The following CACNA1C variants were observed in gnomAD, a reference collection of about 807,000 sequenced individuals.
The protein encoded by CACNA1C is voltage-dependent L-type calcium channel subunit alpha-1C.
A neutral mutation model predicts 229.0 loss-of-function variants in CACNA1C; 30 were observed. That is an observed-to-expected ratio of 0.13 (90% confidence interval 0.10 to 0.18). The LOEUF (loss-of-function observed/expected upper bound fraction) is 0.18, where lower values mean the gene tolerates loss of function less well. Among genes scored for constraint, CACNA1C ranks in the 10% least tolerant of loss-of-function variants. The pLI, the probability that CACNA1C is intolerant of heterozygous loss-of-function variation, is 1.00. For synonymous variants in CACNA1C, 1,114 were observed against 1,132.5 expected (o/e 0.98, Z 0.33); for missense variants, 1,658 against 2,845.0 (o/e 0.58, Z 9.49).
At chr12:2,612,324 C>T (rs1259083874) in intron 29 of CACNA1C, 2 of 289,924 alleles carry the variant, frequency 6.9e-6, no homozygotes, top group East Asian at 7.4e-5. Flanking sequence ...TATGTCCCAT[C>T]CTCTAGTACA....
At chr12:2,610,193 G>A (rs2077028340) in intron 27 of CACNA1C, among the ~76,000 whole-genome samples, 1 of 152,182 alleles carries the variant, frequency 6.6e-6, no homozygotes, top group African/African-American at 2.4e-5. Context: ...ACAGCTGTCA[G>A]TCGGTCAGGA....
At position 2,467,329 on chromosome 12, in the gene CACNA1C, G is replaced by A. The variant is rs1023294498; in HGVS notation, c.757+9623G>A. ...GCAGAGAGGAGCCCTGAGGCCAGAG[G>A]GCCACATGGCTTCCTTAAGGTCACA... On this transcript the variant is annotated intron_variant, in intron 5 of 46. Coordinates refer to ENST00000399655, the MANE Select transcript of CACNA1C (RefSeq NM_000719.7). This position sits in a 1 kb window ranked among gnomAD's most constrained non-coding sequence, Gnocchi z 4.6. Among the ~76,000 whole-genome samples, 4 of 152,188 alleles carry A rather than the reference G, an allele frequency of 2.6e-5. No homozygotes were observed. Among genetic ancestry groups the A allele is most frequent in the African/African-American group, 4.8e-5 (2 of 41,448 alleles).
At chr12:2,194,974 T>C (rs1300380855) in intron 3 of CACNA1C, among the ~76,000 whole-genome samples, 1 of 152,240 alleles carries the variant, frequency 6.6e-6, no homozygotes, top group Non-Finnish European at 1.5e-5. Flanking sequence ...TCTTTTTGGC[T>C]ATGATGGGAT....
chr12:2,196,609 T>C (rs559321666), intron 3 of CACNA1C, among the ~76,000 whole-genome samples: 270 of 152,362 alleles, frequency 1.8e-3, no homozygotes, highest in African/African-American at 6.3e-3. Flanking sequence ...GAAAGTAGTA[T>C]TTTTGCAAAT....
chr12:2,604,967 A>G, intron 22 of CACNA1C, 114 bp from the exon 23 acceptor site: 1 of 776,344 alleles, frequency 1.3e-6, no homozygotes, highest in South Asian at 1.4e-5. Context: ...GATGGGCTTT[A>G]TGTTTTCTCA....
At chr12:2,407,967 C>T (rs59656744) in intron 3 of CACNA1C, among the ~76,000 whole-genome samples, 3,098 of 152,312 alleles carry the variant, frequency 0.02, 91 homozygotes, top group East Asian at 0.11. Flanking sequence ...CACTCTTCCC[C>T]CAGCAAAGGC....
intron 4 of CACNA1C, among the ~76,000 whole-genome samples, chr12:2,457,360 G>A (rs571054404): frequency 7.2e-5 from 11 of 152,322 alleles, no homozygotes; most frequent in African/African-American, 2.6e-4. Context: ...CCTGGGCCAT[G>A]GTGGCACCCT....
At chr12:2,286,594 G>A (rs2092711581) in intron 3 of CACNA1C, among the ~76,000 whole-genome samples, 1 of 152,128 alleles carries the variant, frequency 6.6e-6, no homozygotes, top group Non-Finnish European at 1.5e-5. Context: ...TCATTCGGGG[G>A]CTCTTGTTGA....
chr12:2,344,721 GACTGCAGGC>G (rs1272571020), intron 3 of CACNA1C, among the ~76,000 whole-genome samples: 1 of 151,972 alleles, frequency 6.6e-6, no homozygotes, highest in African/African-American at 2.4e-5. Context: ...TGGAGGCTGA[GACTGCAGGC>G]ACTTGCCCAA....
At chr12:2,129,268 A>T (rs1295469846) in intron 3 of CACNA1C, among the ~76,000 whole-genome samples, 1 of 152,236 alleles carries the variant, frequency 6.6e-6, no homozygotes, top group Non-Finnish European at 1.5e-5. Flanking sequence ...GCATTTCAAA[A>T]TAGATGGCAG....
At chr12:2,508,013 C>A (rs956359880) in intron 8 of CACNA1C, among the ~76,000 whole-genome samples, 3 of 152,220 alleles carry the variant, frequency 2.0e-5, no homozygotes, top group Admixed American at 2.0e-4. Context: ...CCAGCAGGCA[C>A]ACAGAATCCC....
At chr12:2,265,479 C>T (rs2082030502) in intron 3 of CACNA1C, among the ~76,000 whole-genome samples, 2 of 152,156 alleles carry the variant, frequency 1.3e-5, no homozygotes, top group Admixed American at 6.5e-5. Context: ...GGGGCTGGAA[C>T]GTTGGCAAGG....
chr12:2,004,174 A>G, intron 1 of CACNA1C: 1 of 1,481,918 alleles, frequency 6.7e-7, no homozygotes, highest in Non-Finnish European at 9.1e-7. Flanking sequence ...ACCCACTTCC[A>G]GGGCGTCAAC....
intron 3 of CACNA1C, among the ~76,000 whole-genome samples, chr12:2,253,128 C>A (rs1398173191): frequency 6.6e-6 from 1 of 152,230 alleles, no homozygotes; most frequent in Admixed American, 6.5e-5. Context: ...CTGGGACTCT[C>A]TTTTGAATCC....
intron 1 of CACNA1C, among the ~76,000 whole-genome samples, chr12:2,078,968 T>C (rs1488511684): frequency 6.6e-6 from 1 of 152,154 alleles, no homozygotes; most frequent in Non-Finnish European, 1.5e-5. Flanking sequence ...GATGAGTTCA[T>C]GTCCTTTGTA....
Position 2,682,577 on chromosome 12 carries a change from C to T in CACNA1C, c.5472C>T (p.Ala1824=). Reference sequence around the variant, plus strand: ...GCCACTCCCGGGAGAGCCAGGCAGCCATGGCGGGTCAGGAGGAGACGTCTC... The same window carrying T: ...GCCACTCCCGGGAGAGCCAGGCAGCTATGGCGGGTCAGGAGGAGACGTCTC... ...NRCHSRESQA[A]MAGQEETSQD... is the part of the protein sequence containing the mutation. Residue 1824 remains alanine (A), a synonymous_variant, in exon 43 of 47, where the codon GCC becomes GCT. Transcript: ENST00000399655. 1 of 1,612,638 alleles carries T rather than the reference C, an allele frequency of 6.2e-7. No individual in the cohort carries two copies. Among genetic ancestry groups the T allele is most frequent in the Non-Finnish European group, 8.5e-7 (1 of 1,179,502 alleles).
Position 2,189,631 on chromosome 12 carries a change from C to A in CACNA1C, c.477+69201C>A, listed in dbSNP as rs201782498. On this transcript the variant is annotated intron_variant, in intron 3 of 46. Transcript: ENST00000399655. The stretch of plus-strand genomic sequence containing the variant: ...TGCTAACTGGCTGGAAAACTATCAG[C>A]GTGTGGAGTGGAAACCTGTAGGGGC... 8.5e-5 allele frequency among the ~76,000 whole-genome samples: 13 copies of A among 152,118 alleles called. No homozygotes were observed. The East Asian group carries it at 2.5e-3, about 29-fold the overall frequency.
chr12:2,476,197 C>T lies in CACNA1C; in HGVS notation c.758-9907C>T, dbSNP rs191939691. 2.2e-3 allele frequency among the ~76,000 whole-genome samples: 335 copies of T among 152,324 alleles called. 3 individuals are homozygous for T. The highest frequency in any genetic ancestry group is 3.8e-3 in the Non-Finnish European group (261 of 68,038). On this transcript the variant is annotated intron_variant, in intron 5 of 46. Coordinates refer to ENST00000399655, the MANE Select transcript of CACNA1C (RefSeq NM_000719.7). ...GATTAGAGCTGTCATGAGAGATGCA[C>T]TGTTGAGAAGGATTGTGAGGCCCCA...
In CACNA1C at chr12:2,467,989, G is replaced by A. The variant is rs780537846; in HGVS notation, c.757+10283G>A. 6.6e-6 allele frequency among the ~76,000 whole-genome samples: 1 copy of A among 152,202 alleles called. No individual in the cohort carries two copies. The highest frequency in any genetic ancestry group is 2.4e-5 in the African/African-American group (1 of 41,440). On this transcript the variant is annotated intron_variant, in intron 5 of 46. Coordinates refer to ENST00000399655, the MANE Select transcript of CACNA1C (RefSeq NM_000719.7). This position sits in a 1 kb window ranked among gnomAD's most constrained non-coding sequence, Gnocchi z 4.6. ...GCAGCCCTGTGAGCTCCCAGCATCCGAGACCTCTTGGAGAGGGACCCTGTG... is the reference window on the plus strand; with the variant it reads ...GCAGCCCTGTGAGCTCCCAGCATCCAAGACCTCTTGGAGAGGGACCCTGTG...
Sources: gnomAD v4.1 joint callset for allele counts (sites outside exome capture counted in the v4.1 genomes callset) on GRCh38, gnomAD v4.1.1 for gene constraint, Gnocchi (gnomAD v3.1) non-coding constraint, MANE v1.5 for transcripts, NCBI Gene and HGNC (gene_info 2026-07-23, HGNC 2026-07-21) for gene names.